PLS1: variants seen among roughly 807,000 people sequenced by gnomAD.
PLS1 encodes plastin-1.
PLS1 carries 32 observed loss-of-function variants against 73.7 expected under a neutral mutation model. The observed-to-expected ratio is 0.43, with a 90% CI of 0.33 to 0.58. The LOEUF is 0.58. Among genes scored for constraint, PLS1 ranks in the 20% least tolerant of loss-of-function variants. The pLI is 0.04. For synonymous variants in PLS1, 217 were observed against 261.3 expected (o/e 0.83, Z 1.63); for missense variants, 633 against 740.5 (o/e 0.85, Z 1.68).
chr3:142,662,662 G>A (rs530991447), intron 1 of PLS1, among the ~76,000 whole-genome samples: 1 of 152,240 alleles, frequency 6.6e-6, no homozygotes, highest in African/African-American at 2.4e-5. Flanking sequence ...TAAACATGGA[G>A]AAGAACAAAG....
chr3:142,605,871 T>C (rs2036008751), intron 1 of PLS1, among the ~76,000 whole-genome samples: 1 of 152,228 alleles, frequency 6.6e-6, no homozygotes, highest in Admixed American at 6.5e-5. Context: ...TTCCTGCTAA[T>C]GTACATCTGG....
At chr3:142,647,274 G>C (rs986720416) in intron 1 of PLS1, among the ~76,000 whole-genome samples, 2 of 152,036 alleles carry the variant, frequency 1.3e-5, no homozygotes, top group Non-Finnish European at 2.9e-5. Context: ...ATATTGTATT[G>C]CATCAACTTA....
At chr3:142,708,391 C>T (rs948222709) in intron 14 of PLS1, among the ~76,000 whole-genome samples, 6 of 152,122 alleles carry the variant, frequency 3.9e-5, no homozygotes, top group East Asian at 1.9e-4. Flanking sequence ...GGACTACAGG[C>T]GCCCGCCATC....
At chr3:142,647,772 A>G (rs1458535585) in intron 1 of PLS1, among the ~76,000 whole-genome samples, 1 of 151,816 alleles carries the variant, frequency 6.6e-6, no homozygotes, top group Non-Finnish European at 1.5e-5. Context: ...TTTTTCAGCC[A>G]ATTGGTACCT....
At chr3:142,693,556 AC>A (rs1412474992) in intron 10 of PLS1, among the ~76,000 whole-genome samples, 1 of 152,216 alleles carries the variant, frequency 6.6e-6, no homozygotes, top group Non-Finnish European at 1.5e-5. Context: ...AGGCCATTCC[AC>A]TGTCTAATAA....
At chr3:142,624,958 T>G (rs1432420116) in intron 1 of PLS1, among the ~76,000 whole-genome samples, 2 of 152,200 alleles carry the variant, frequency 1.3e-5, no homozygotes, top group Non-Finnish European at 1.5e-5. Context: ...ATAACATTCT[T>G]TTATGATCCC....
intron 1 of PLS1, among the ~76,000 whole-genome samples, chr3:142,624,559 A>G (rs2177396): frequency 0.64 from 96,866 of 151,652 alleles, 32,507 homozygotes; most frequent in African/African-American, 0.86. Flanking sequence ...GTTTACATAG[A>G]CCCCAGTGCC....
At chr3:142,606,754 C>T (rs1193665589) in intron 1 of PLS1, among the ~76,000 whole-genome samples, 2 of 152,198 alleles carry the variant, frequency 1.3e-5, no homozygotes, top group Non-Finnish European at 2.9e-5. Context: ...AAGGTTCATT[C>T]ATGTTGTAGC....
At chr3:142,695,116 C>A (rs187382237) in intron 11 of PLS1, among the ~76,000 whole-genome samples, 1 of 150,018 alleles carries the variant, frequency 6.7e-6, no homozygotes, top group East Asian at 2.0e-4. Context: ...GGAAACCATT[C>A]TTCTCTCTTT....
Position 142,676,231 on chromosome 3 carries a change from C to T in PLS1, c.439C>T (p.Pro147Ser), listed in dbSNP as rs766730276. 6.2e-7 allele frequency: 1 copy of T among 1,612,730 alleles called. No individual in the cohort carries two copies. Among genetic ancestry groups the T allele is most frequent in the Non-Finnish European group, 8.5e-7 (1 of 1,178,830 alleles). ...ENDPDCKHLI[P>S]MNPNDDSLFK... Reference sequence around the variant, plus strand: ...TGACCCTGACTGTAAGCATCTTATACCCATGAATCCCAATGATGATAGTCT... The same window carrying T: ...TGACCCTGACTGTAAGCATCTTATATCCATGAATCCCAATGATGATAGTCT... The change falls in exon 5 of 16, where the codon CCC becomes TCC. Residue 147 changes from proline to serine, a missense_variant. By Grantham distance (74) the Pro-to-Ser change is moderately conservative. Coordinates refer to ENST00000457734, the MANE Select transcript of PLS1 (RefSeq NM_001145319.2).
chr3:142,710,210 G>C (rs1410253926), intron 14 of PLS1, among the ~76,000 whole-genome samples: 2 of 137,122 alleles, frequency 1.5e-5, no homozygotes, highest in African/African-American at 5.5e-5. Context: ...GCCATCTAAT[G>C]TGCCAGCTTC....
intron 1 of PLS1, among the ~76,000 whole-genome samples, chr3:142,601,046 C>A (rs2035918044): frequency 6.9e-6 from 1 of 144,112 alleles, no homozygotes; most frequent in Non-Finnish European, 1.5e-5. Flanking sequence ...GCCTCAGCCT[C>A]CCGAGTAGCT....
chr3:142,599,013 A>C (rs1356612853), intron 1 of PLS1, among the ~76,000 whole-genome samples: 2 of 151,836 alleles, frequency 1.3e-5, no homozygotes, highest in East Asian at 1.9e-4. Flanking sequence ...AAAAAAAAAA[A>C]GTACCTCGAA....
intron 1 of PLS1, among the ~76,000 whole-genome samples, chr3:142,640,095 A>G (rs1490285347): frequency 6.6e-6 from 1 of 152,242 alleles, no homozygotes; most frequent in Non-Finnish European, 1.5e-5. Context: ...CATACATGGC[A>G]TGTCAGAGAC....
At chr3:142,664,637 A>T (rs2037437937) in intron 2 of PLS1, among the ~76,000 whole-genome samples, 1 of 152,206 alleles carries the variant, frequency 6.6e-6, no homozygotes. Context: ...GTATAAACTG[A>T]ACTCTGGCCT....
chr3:142,627,020 A>G (rs1172234165), intron 1 of PLS1, among the ~76,000 whole-genome samples: 1 of 152,256 alleles, frequency 6.6e-6, no homozygotes, highest in Non-Finnish European at 1.5e-5. Flanking sequence ...GGACCAAGTT[A>G]GGATTCTACT....
intron 1 of PLS1, among the ~76,000 whole-genome samples, chr3:142,659,755 G>T (rs1197357691): frequency 3.3e-5 from 5 of 150,856 alleles, no homozygotes; most frequent in Non-Finnish European, 7.4e-5. Context: ...GGAGTGCAAT[G>T]GCGTGATCTT....
intron 1 of PLS1, among the ~76,000 whole-genome samples, chr3:142,646,389 C>G (rs16852495): frequency 0.043 from 6,489 of 152,246 alleles, 446 homozygotes; most frequent in African/African-American, 0.15. Context: ...GCAATGAGTT[C>G]AGGTCAGGAG....
intron 1 of PLS1, among the ~76,000 whole-genome samples, chr3:142,644,762 C>T (rs558759788): frequency 1.3e-5 from 2 of 152,162 alleles, no homozygotes; most frequent in African/African-American, 2.4e-5. Context: ...ATGAGGGTAA[C>T]GTCATCTAAT....
Sources: gnomAD v4.1 joint callset for allele counts (sites outside exome capture counted in the v4.1 genomes callset) on GRCh38, gnomAD v4.1.1 for gene constraint, MANE v1.5 for transcripts, NCBI Gene and HGNC (gene_info 2026-07-23, HGNC 2026-07-21) for gene names.